Variants in NRXN1 observed in about 807,000 individuals in gnomAD.
NRXN1 encodes the protein neurexin 1, also known as neurexin-1.
NRXN1 carries 39 observed loss-of-function variants against 150.9 expected under a neutral mutation model. The observed-to-expected ratio is 0.26, with a 90% CI of 0.20 to 0.34. NRXN1 has a LOEUF of 0.34. Ranked by LOEUF, NRXN1 falls within the 10% of genes least tolerant of loss-of-function variation. The pLI, the probability that NRXN1 is intolerant of heterozygous loss-of-function variation, is 1.00. For missense variants in NRXN1, 1,815 were observed against 1,949.9 expected (o/e 0.93, Z 1.30); for synonymous variants, 924 against 757.0 (o/e 1.22, Z -3.62).
intron 5 of NRXN1, among the ~76,000 whole-genome samples, chr2:50,695,731 T>C (rs924188743): frequency 2.6e-5 from 4 of 152,296 alleles, no homozygotes; most frequent in South Asian, 4.1e-4. Flanking sequence ...TGAAGATAAA[T>C]GGTTAGATAT....
At chr2:50,592,388 A>AGTT (rs1457438444) in intron 8 of NRXN1, among the ~76,000 whole-genome samples, 111 of 152,376 alleles carry the variant, frequency 7.3e-4, no homozygotes, top group Non-Finnish European at 1.5e-5. Flanking sequence ...CACTCTGTGC[A>AGTT]TCCCAAAAGA....
At chr2:50,478,707 C>A (rs976437695) in intron 15 of NRXN1, among the ~76,000 whole-genome samples, 1 of 152,180 alleles carries the variant, frequency 6.6e-6, no homozygotes, top group African/African-American at 2.4e-5. Context: ...TAAAATCAAA[C>A]CTTCATCATC....
chr2:50,739,119 G>C (rs570963095), intron 5 of NRXN1: 5 of 244,472 alleles, frequency 2.0e-5, no homozygotes, highest in South Asian at 8.7e-5. Context: ...AGACAATGTT[G>C]ATAATTTTTA....
intron 17 of NRXN1, among the ~76,000 whole-genome samples, chr2:50,311,934 C>T (rs977849058): frequency 9.9e-5 from 15 of 151,946 alleles, no homozygotes; most frequent in African/African-American, 3.6e-4. Context: ...GGAATTAAGT[C>T]AAAATGGTTT....
At chr2:51,007,114 G>C (rs191094384) in intron 2 of NRXN1, among the ~76,000 whole-genome samples, 3 of 152,020 alleles carry the variant, frequency 2.0e-5, no homozygotes, top group Admixed American at 2.0e-4. Context: ...TACAACATTA[G>C]ATACTATAAT....
At chr2:50,343,013 T>C (rs549203376) in intron 17 of NRXN1, among the ~76,000 whole-genome samples, 17 of 152,242 alleles carry the variant, frequency 1.1e-4, no homozygotes, top group Non-Finnish European at 1.9e-4. Context: ...ATTCAAGATA[T>C]AATTATTATC....
At chr2:50,373,585 AAGAAAGAAAGAGAGAG>A (rs1347992547) in intron 17 of NRXN1, among the ~76,000 whole-genome samples, 1 of 149,872 alleles carries the variant, frequency 6.7e-6, no homozygotes. Context: ...TGAATTTGGA[AAGAAAGAAAGAGAGAG>A]AGAAAGAAAG....
intron 5 of NRXN1, among the ~76,000 whole-genome samples, chr2:50,815,828 T>C (rs548580525): frequency 6.6e-6 from 1 of 152,318 alleles, no homozygotes; most frequent in African/African-American, 2.4e-5. Flanking sequence ...TAGAATTTTC[T>C]ATATACAAGA....
At chr2:50,947,763 C>A (rs1037142740) in intron 2 of NRXN1, among the ~76,000 whole-genome samples, 4 of 151,966 alleles carry the variant, frequency 2.6e-5, no homozygotes, top group African/African-American at 9.7e-5. Context: ...CATGTTAAAG[C>A]TACGAAGGGT....
chr2:50,860,101 T>C (rs1203499831), intron 5 of NRXN1, among the ~76,000 whole-genome samples: 2 of 152,114 alleles, frequency 1.3e-5, no homozygotes, highest in East Asian at 1.9e-4. Context: ...CTTTATATCA[T>C]AGTATTTTGA....
intron 17 of NRXN1, among the ~76,000 whole-genome samples, chr2:50,441,036 G>A (rs913530013): frequency 1.3e-5 from 2 of 152,118 alleles, no homozygotes. Context: ...TTAAGCAATT[G>A]AAATACAGAG....
chr2:50,818,626 T>A (rs1490222504), intron 5 of NRXN1, among the ~76,000 whole-genome samples: 1 of 151,988 alleles, frequency 6.6e-6, no homozygotes, highest in East Asian at 1.9e-4. Flanking sequence ...TGGCAATGAT[T>A]TCCTGAATAC....
At chr2:50,023,525 G>A (rs1573466757) in intron 21 of NRXN1, 1 of 151,836 alleles carries the variant, frequency 6.6e-6, no homozygotes, top group African/African-American at 2.4e-5. Context: ...ATCTTGAACT[G>A]GTTTTTACTT....
intron 21 of NRXN1, among the ~76,000 whole-genome samples, chr2:50,014,358 A>T (rs1053042057): frequency 6.6e-6 from 1 of 152,094 alleles, no homozygotes; most frequent in Non-Finnish European, 1.5e-5. Context: ...AACTTCATGT[A>T]TGTCCTTGTG....
intron 17 of NRXN1, among the ~76,000 whole-genome samples, chr2:50,396,393 T>A (rs1416364845): frequency 6.6e-6 from 1 of 152,198 alleles, no homozygotes; most frequent in Non-Finnish European, 1.5e-5. Context: ...AATTGTATTA[T>A]GGATATATTT....
At chr2:50,535,234 AT>A (rs1464826070) in intron 10 of NRXN1, among the ~76,000 whole-genome samples, 2 of 152,260 alleles carry the variant, frequency 1.3e-5, no homozygotes, top group African/African-American at 4.8e-5. Flanking sequence ...TTATTTCATC[AT>A]TTAGAATATA....
At chr2:50,680,554 G>T (rs866554275) in intron 5 of NRXN1, among the ~76,000 whole-genome samples, 1 of 151,936 alleles carries the variant, frequency 6.6e-6, no homozygotes, top group African/African-American at 2.4e-5. Context: ...CAATCAACTG[G>T]ATCCTTTCAA....
chr2:50,657,938 CT>C (rs1226776429), intron 5 of NRXN1, among the ~76,000 whole-genome samples: 8 of 151,990 alleles, frequency 5.3e-5, no homozygotes, highest in African/African-American at 1.9e-4. Flanking sequence ...TCACAATGAA[CT>C]GCAGCCACAT....
At chr2:50,847,761 G>C (rs1283531956) in intron 5 of NRXN1, among the ~76,000 whole-genome samples, 1 of 152,158 alleles carries the variant, frequency 6.6e-6, no homozygotes, top group Admixed American at 6.5e-5. Context: ...GAGTATGCAG[G>C]TGGAAGAGCA....
Sources: gnomAD v4.1 joint callset for allele counts (sites outside exome capture counted in the v4.1 genomes callset) on GRCh38, gnomAD v4.1.1 for gene constraint, MANE v1.5 for transcripts, NCBI Gene and HGNC (gene_info 2026-07-23, HGNC 2026-07-21) for gene names.